CA10: variants seen among roughly 807,000 people sequenced by gnomAD.
CA10 encodes the protein carbonic anhydrase-related protein 10.
In CA10, 14 loss-of-function variants were observed where a neutral mutation model predicts 44.2. The ratio of observed to expected loss-of-function variants is 0.32; its 90% CI spans 0.21 to 0.50. The LOEUF is 0.50. Ranked by LOEUF, CA10 falls within the 20% of genes least tolerant of loss-of-function variation. The pLI is 0.99. For synonymous variants in CA10, 159 were observed against 141.6 expected (o/e 1.12, Z -0.87); for missense variants, 350 against 409.7 (o/e 0.85, Z 1.26).
At chr17:51,903,877 T>TG (rs1447652268) in intron 3 of CA10, among the ~76,000 whole-genome samples, 4 of 152,104 alleles carry the variant, frequency 2.6e-5, no homozygotes, top group African/African-American at 9.7e-5. Context: ...AATTCTTTCT[T>TG]GGATAATCAG....
At chr17:52,079,413 C>T (rs978167998) in intron 1 of CA10, among the ~76,000 whole-genome samples, 3 of 150,270 alleles carry the variant, frequency 2.0e-5, no homozygotes, top group African/African-American at 7.4e-5. Context: ...GAGCAGAGAT[C>T]ACACCACTGC....
intron 2 of CA10, among the ~76,000 whole-genome samples, chr17:52,052,810 G>C (rs1987114999): frequency 6.6e-6 from 1 of 152,106 alleles, no homozygotes; most frequent in African/African-American, 2.4e-5. Flanking sequence ...AGCCTTGGCT[G>C]CTTTTCCTTC....
chr17:51,760,916 T>C (rs916698153), intron 3 of CA10, among the ~76,000 whole-genome samples: 2 of 152,230 alleles, frequency 1.3e-5, no homozygotes, highest in African/African-American at 2.4e-5. Flanking sequence ...GAATGAGGTG[T>C]TTTATATTCA....
chr17:51,655,297 A>C (rs773001234), intron 4 of CA10, among the ~76,000 whole-genome samples: 1 of 152,212 alleles, frequency 6.6e-6, no homozygotes, highest in Non-Finnish European at 1.5e-5. Context: ...CAGCAAGCAC[A>C]TCATATATCT....
At chr17:51,932,345 C>T (rs1341940753) in intron 2 of CA10, among the ~76,000 whole-genome samples, 2 of 152,142 alleles carry the variant, frequency 1.3e-5, no homozygotes, top group African/African-American at 4.8e-5. Flanking sequence ...CTTTAACTTA[C>T]AGTAGCCATC....
At chr17:51,656,687 A>C (rs1913805193) in intron 4 of CA10, among the ~76,000 whole-genome samples, 1 of 152,242 alleles carries the variant, frequency 6.6e-6, no homozygotes, top group African/African-American at 2.4e-5. Flanking sequence ...AGGGATCAGC[A>C]GCAGCCACAG....
intron 2 of CA10, among the ~76,000 whole-genome samples, chr17:52,069,817 T>C (rs1301797558): frequency 6.6e-6 from 1 of 152,202 alleles, no homozygotes; most frequent in Non-Finnish European, 1.5e-5. Flanking sequence ...TCACAACTGT[T>C]ATGCCAACTG....
chr17:51,979,406 T>G (rs148690282), intron 2 of CA10, among the ~76,000 whole-genome samples: 360 of 152,206 alleles, frequency 2.4e-3, no homozygotes, highest in African/African-American at 8.3e-3. Context: ...TCATTGGGGT[T>G]TGTTGTACAG....
chr17:52,004,028 G>A (rs1334126839), intron 2 of CA10, among the ~76,000 whole-genome samples: 1 of 151,600 alleles, frequency 6.6e-6, no homozygotes, highest in Non-Finnish European at 1.5e-5. Context: ...ATCCCAAAGG[G>A]CTGCTTCCTC....
chr17:51,717,636 C>T (rs987902725), intron 4 of CA10, among the ~76,000 whole-genome samples: 9,542 of 31,672 alleles, frequency 0.3, 2,786 homozygotes, highest in Middle Eastern at 0.42. Flanking sequence ...CACATATATG[C>T]ATGTATATAT....
Position 52,090,066 on chromosome 17 carries a change from G to A in CA10, c.62-17673C>T, listed in dbSNP as rs113342455. Reference sequence around the variant, plus strand: ...AAATAGGCAAGGAAAAATAGGTATAGTTGTAAACAAACAAGTTATTAAGTA... The same window carrying A: ...AAATAGGCAAGGAAAAATAGGTATAATTGTAAACAAACAAGTTATTAAGTA... On this transcript the variant is annotated intron_variant, in intron 1 of 8. Coordinates refer to ENST00000451037, the MANE Select transcript of CA10 (RefSeq NM_020178.5). Among the ~76,000 whole-genome samples, 345 of 152,220 alleles carry A rather than the reference G, an allele frequency of 2.3e-3. 3 individuals are homozygous for A. Among genetic ancestry groups the A allele is most frequent in the African/African-American group, 8.1e-3 (335 of 41,568 alleles).
chr17:51,760,002 C>G (rs1905175959), intron 3 of CA10, among the ~76,000 whole-genome samples: 1 of 152,172 alleles, frequency 6.6e-6, no homozygotes, highest in African/African-American at 2.4e-5. Flanking sequence ...CCTTAGAAAG[C>G]TTATTTCTAG....
At chr17:52,040,120 A>T (rs1420658793) in intron 2 of CA10, among the ~76,000 whole-genome samples, 1 of 149,076 alleles carries the variant, frequency 6.7e-6, no homozygotes, top group Non-Finnish European at 1.5e-5. Flanking sequence ...TAAAATTAAG[A>T]TCCCCTTTTT....
chr17:51,957,737 T>C (rs1176721291), intron 2 of CA10, among the ~76,000 whole-genome samples: 1 of 152,162 alleles, frequency 6.6e-6, no homozygotes, highest in Non-Finnish European at 1.5e-5. Flanking sequence ...ACACCAGCTA[T>C]ATTCAACTAT....
At position 51,633,543 on chromosome 17, in the gene CA10, G is replaced by A. The variant is rs2143203352; in HGVS notation, c.897C>T (p.Thr299=). ...TCCCCTGTAAACTGAAGTTGATATT[G>A]GTGCGGATGCAGCGGTTGTTGAGTG... ...VQPLNNRCIR[T]NINFSLQGKD... Residue 299 remains threonine (T), a synonymous_variant, in exon 8 of 9, where the codon ACC becomes ACT. Coordinates refer to ENST00000451037, the MANE Select transcript of CA10 (RefSeq NM_020178.5). 6.2e-7 allele frequency: 1 copy of A among 1,614,010 alleles called. No individual in the cohort carries two copies.
At chr17:52,040,937 G>T (rs1336428848) in intron 2 of CA10, among the ~76,000 whole-genome samples, 1 of 152,014 alleles carries the variant, frequency 6.6e-6, no homozygotes, top group Non-Finnish European at 1.5e-5. Context: ...ATTTCTGAAG[G>T]TCACAAAGGG....
chr17:51,732,280 A>G (rs1916748028), intron 4 of CA10, among the ~76,000 whole-genome samples: 2 of 152,202 alleles, frequency 1.3e-5, no homozygotes, highest in Admixed American at 6.5e-5. Context: ...GATGAGGAAG[A>G]CTGTTGTGAC....
chr17:51,738,376 A>G (rs571801702), intron 4 of CA10, among the ~76,000 whole-genome samples: 3 of 152,278 alleles, frequency 2.0e-5, no homozygotes, highest in Admixed American at 2.0e-4. Context: ...ATTTAATATT[A>G]CTGAACTGTT....
chr17:52,129,086 C>T (rs1247782203), intron 1 of CA10, among the ~76,000 whole-genome samples: 1 of 152,150 alleles, frequency 6.6e-6, no homozygotes, highest in Admixed American at 6.5e-5. Flanking sequence ...GTAAAGAAGA[C>T]TAAGCCACCA....
Sources: allele counts gnomAD v4.1 joint callset (sites outside exome capture counted in the v4.1 genomes callset), GRCh38; gene constraint gnomAD v4.1.1; transcripts MANE v1.5; gene names NCBI Gene and HGNC (gene_info 2026-07-23, HGNC 2026-07-21).